Variants in CNTN4 observed in about 807,000 individuals in gnomAD.
The protein encoded by CNTN4 is contactin 4, also known as contactin-4.
In CNTN4, 77 loss-of-function variants were observed where a neutral mutation model predicts 122.5. That is an observed-to-expected ratio of 0.63 (90% CI 0.52 to 0.76). The LOEUF is 0.76. Among genes scored for constraint, CNTN4 ranks in the 30% least tolerant of loss-of-function variants. The probability of loss-of-function intolerance (pLI) is 0.00; values close to 1 mark genes in which losing one functional copy is unlikely to be tolerated. For missense variants in CNTN4, 1,256 were observed against 1,259.1 expected, an observed-to-expected ratio of 1.00 and a Z score of 0.04; for synonymous variants, 512 against 447.0, an observed-to-expected ratio of 1.15 and a Z score of -1.83.
At position 3,042,440 on chromosome 3, in the gene CNTN4, G is replaced by A. The variant is rs1700247805; in HGVS notation, c.2511+18G>A. 6.6e-7 allele frequency: 1 copy of A among 1,512,196 alleles called. No individual in the cohort carries two copies. The highest frequency in any genetic ancestry group is 9.2e-7 in the Non-Finnish European group (1 of 1,086,902). 93.7% of individuals were successfully genotyped at this position (1,512,196 alleles called of 1,614,324 possible). A position where few individuals can be genotyped will look rare whatever the true frequency, so the allele number is the denominator to read the frequency against. On this transcript the variant is annotated intron_variant, in intron 21 of 24. Coordinates refer to ENST00000418658, the MANE Select transcript of CNTN4 (RefSeq NM_175607.3). Reference sequence around the variant, plus strand: ...GTTATGAGGTAGGCAAGACATATGTGCCTTGGGTCTGAAAGAGAGTCTATG... The same window carrying A: ...GTTATGAGGTAGGCAAGACATATGTACCTTGGGTCTGAAAGAGAGTCTATG...
At chr3:2,980,327 C>T (rs73805478) in intron 13 of CNTN4, among the ~76,000 whole-genome samples, 2,199 of 145,214 alleles carry the variant, frequency 0.015, 51 homozygotes, top group African/African-American at 0.059. Context: ...TTTGGCTTTT[C>T]TCTGTTGCCA....
intron 1 of CNTN4, chr3:2,099,381 C>G (rs2031697427): frequency 6.6e-6 from 1 of 152,374 alleles, no homozygotes; most frequent in Admixed American, 6.5e-5. Flanking sequence ...GTTCGGGCTA[C>G]TGCCCCCTCT....
At chr3:2,100,448 G>C (rs1055553370) in intron 1 of CNTN4, 110 bp from the exon 2 acceptor site, 1 of 152,116 alleles carries the variant, frequency 6.6e-6, no homozygotes, top group Non-Finnish European at 1.5e-5. Flanking sequence ...TTAGAGAGTG[G>C]GGTAGGAGCG....
chr3:2,473,162 T>C (rs761078327), intron 3 of CNTN4, among the ~76,000 whole-genome samples: 109 of 142,156 alleles, frequency 7.7e-4, no homozygotes, highest in Middle Eastern at 3.7e-3. Flanking sequence ...ACCCAAAAGG[T>C]GGAGGTTGCA....
intron 4 of CNTN4, among the ~76,000 whole-genome samples, chr3:2,584,542 A>G (rs1351183959): frequency 6.6e-6 from 1 of 151,924 alleles, no homozygotes; most frequent in Non-Finnish European, 1.5e-5. Context: ...CATCTCTACT[A>G]AAAATACAAA....
chr3:2,440,839 TATATATAC>T (rs1000363631), intron 3 of CNTN4, among the ~76,000 whole-genome samples: 33 of 146,254 alleles, frequency 2.3e-4, no homozygotes, highest in African/African-American at 6.9e-4. Context: ...ATATATATTT[TATATATAC>T]ATATATACAT....
intron 13 of CNTN4, among the ~76,000 whole-genome samples, chr3:2,978,720 G>A (rs2125170060): frequency 6.6e-6 from 1 of 152,200 alleles, no homozygotes; most frequent in Non-Finnish European, 1.5e-5. Context: ...CTTTGGTTGG[G>A]GGATGCCTGT....
At chr3:2,138,472 G>A (rs1377857405) in intron 2 of CNTN4, among the ~76,000 whole-genome samples, 1 of 152,170 alleles carries the variant, frequency 6.6e-6, no homozygotes, top group Admixed American at 6.5e-5. Context: ...GTATCATGGG[G>A]TGCCTGGATA....
chr3:2,419,185 A>G (rs539162594), intron 3 of CNTN4, among the ~76,000 whole-genome samples: 1 of 152,224 alleles, frequency 6.6e-6, no homozygotes, highest in Non-Finnish European at 1.5e-5. Context: ...GTAATCAATC[A>G]TATACCAGGT....
intron 4 of CNTN4, among the ~76,000 whole-genome samples, chr3:2,612,823 A>G (rs2081557224): frequency 1.3e-5 from 2 of 152,152 alleles, no homozygotes; most frequent in Non-Finnish European, 2.9e-5. Flanking sequence ...CTTAAAATGA[A>G]AGGAAATAGG....
intron 8 of CNTN4, among the ~76,000 whole-genome samples, chr3:2,878,178 G>A (rs529526579): frequency 5.3e-5 from 8 of 152,076 alleles, no homozygotes; most frequent in African/African-American, 1.2e-4. Context: ...TGTTATTCAC[G>A]TTCCTGTAGC....
chr3:2,157,921 TC>T (rs1287209426), intron 2 of CNTN4, among the ~76,000 whole-genome samples: 1 of 152,188 alleles, frequency 6.6e-6, no homozygotes, highest in African/African-American at 2.4e-5. Flanking sequence ...AAAATCATTC[TC>T]AGAAATCTAT....
At chr3:2,769,167 T>A (rs2090981253) in intron 6 of CNTN4, among the ~76,000 whole-genome samples, 1 of 152,056 alleles carries the variant, frequency 6.6e-6, no homozygotes, top group Non-Finnish European at 1.5e-5. Flanking sequence ...ATGCACTACA[T>A]TATTAAAATA....
At chr3:2,921,325 A>G (rs1443204335) in intron 12 of CNTN4, among the ~76,000 whole-genome samples, 1 of 152,174 alleles carries the variant, frequency 6.6e-6, no homozygotes, top group African/African-American at 2.4e-5. Flanking sequence ...GCGTGAGCCA[A>G]CACACCTGAC....
chr3:2,941,936 C>T (rs79308200), intron 13 of CNTN4, among the ~76,000 whole-genome samples: 6,508 of 152,294 alleles, frequency 0.043, 199 homozygotes, highest in Middle Eastern at 0.071. Context: ...GTATACCGCA[C>T]TTCTCACTAT....
intron 13 of CNTN4, among the ~76,000 whole-genome samples, chr3:2,944,894 A>T (rs2094658561): frequency 6.6e-6 from 1 of 152,148 alleles, no homozygotes; most frequent in Non-Finnish European, 1.5e-5. Context: ...TGCAACTGGG[A>T]TTTCAGCTAG....
chr3:2,378,008 T>A (rs1254556831), intron 3 of CNTN4, among the ~76,000 whole-genome samples: 1 of 152,228 alleles, frequency 6.6e-6, no homozygotes, highest in Non-Finnish European at 1.5e-5. Context: ...GTTTTTTCAG[T>A]TGTCTGTATG....
intron 4 of CNTN4, among the ~76,000 whole-genome samples, chr3:2,663,092 ACT>A (rs1252987144): frequency 6.9e-6 from 1 of 144,276 alleles, no homozygotes; most frequent in African/African-American, 2.7e-5. Flanking sequence ...ACAGAGTGAG[ACT>A]CTGTCTCAGA....
At chr3:2,647,025 G>T (rs1278623672) in intron 4 of CNTN4, among the ~76,000 whole-genome samples, 1 of 152,144 alleles carries the variant, frequency 6.6e-6, no homozygotes, top group African/African-American at 2.4e-5. Flanking sequence ...ATCTGGTAGA[G>T]ACCCTGAAGC....
Sources: gnomAD v4.1 joint callset for allele counts (sites outside exome capture counted in the v4.1 genomes callset) on GRCh38, gnomAD v4.1.1 for gene constraint, MANE v1.5 for transcripts, NCBI Gene and HGNC (gene_info 2026-07-23, HGNC 2026-07-21) for gene names.